Variants in SUPT3H observed in about 807,000 individuals in gnomAD.
The protein encoded by SUPT3H is SPT3 homolog, SAGA and STAGA complex component, also known as transcription initiation protein SPT3 homolog.
In SUPT3H, 44 loss-of-function variants were observed where a neutral mutation model predicts 44.3. The observed-to-expected ratio is 0.99, with a 90% CI of 0.78 to 1.28. The LOEUF (loss-of-function observed/expected upper bound fraction) is 1.28. SUPT3H is among the 50% of genes most tolerant of loss of function. The probability of loss-of-function intolerance (pLI) is 0.00; values close to 1 mark genes in which losing one functional copy is unlikely to be tolerated. For synonymous variants in SUPT3H, 124 were observed against 125.6 expected (o/e 0.99, Z 0.09); for missense variants, 380 against 387.1 (o/e 0.98, Z 0.15).
intron 2 of SUPT3H, among the ~76,000 whole-genome samples, chr6:45,143,704 A>G (rs1184541275): frequency 1.3e-5 from 2 of 152,130 alleles, no homozygotes; most frequent in Admixed American, 6.6e-5. Flanking sequence ...CAAAGATCAG[A>G]GCAGAACTAA....
chr6:45,077,262 T>C (rs1382958990), intron 3 of SUPT3H, among the ~76,000 whole-genome samples: 2 of 152,100 alleles, frequency 1.3e-5, no homozygotes, highest in Non-Finnish European at 1.5e-5. Context: ...ACAAACTATA[T>C]CCTCTCTATT....
At chr6:45,256,814 A>C (rs1361718801) in intron 2 of SUPT3H, among the ~76,000 whole-genome samples, 2 of 152,196 alleles carry the variant, frequency 1.3e-5, no homozygotes, top group African/African-American at 4.8e-5. Flanking sequence ...TGGATATACC[A>C]CATTTTGCTT....
At chr6:45,124,474 C>G (rs537249231) in intron 2 of SUPT3H, among the ~76,000 whole-genome samples, 1 of 151,188 alleles carries the variant, frequency 6.6e-6, no homozygotes, top group Non-Finnish European at 1.5e-5. Context: ...TGAAACCCCC[C>G]CCTCTACTAA....
chr6:44,928,882 C>CAAAATAAAAAA lies in SUPT3H; in HGVS notation c.912+3770_912+3771insTTTTTTATTTT, dbSNP rs1491206167. Among the ~76,000 whole-genome samples, 19 of 20,636 alleles carry CAAAATAAAAAA rather than the reference C, an allele frequency of 9.2e-4. 1 individual carries two copies. The highest frequency in any genetic ancestry group is 3.5e-3 in the African/African-American group (11 of 3,170). The allele number at this position is 20,636 out of a possible 152,430, so 13.5% of individuals were successfully genotyped here. A position where few individuals can be genotyped will look rare whatever the true frequency, so the allele number is the denominator to read the frequency against. ...TGGGCGACAGAACGAGACTCCGTCT[C>CAAAATAAAAAA]AAAAAAAAAAAAAAAAAAAAAAGAA... is the stretch of plus-strand genomic sequence containing the variant. On this transcript the variant is annotated intron_variant, in intron 10 of 10. Transcript: ENST00000371459.
intron 2 of SUPT3H, among the ~76,000 whole-genome samples, chr6:45,231,982 C>A (rs1207490895): frequency 6.6e-6 from 1 of 152,140 alleles, no homozygotes; most frequent in East Asian, 1.9e-4. Context: ...TCATAAATAT[C>A]CTGAATTCTC....
intron 2 of SUPT3H, among the ~76,000 whole-genome samples, chr6:45,174,964 G>T (rs1481207051): frequency 7.5e-6 from 1 of 133,438 alleles, no homozygotes; most frequent in Non-Finnish European, 1.5e-5. Context: ...GATCACTTGA[G>T]CCCAGGAGTT....
At chr6:44,917,945 A>G (rs879280582) in intron 10 of SUPT3H, among the ~76,000 whole-genome samples, 1 of 152,210 alleles carries the variant, frequency 6.6e-6, no homozygotes. Flanking sequence ...ATGCTCTATC[A>G]GCACAATATT....
At chr6:44,975,592 G>A (rs1398664557) in intron 6 of SUPT3H, among the ~76,000 whole-genome samples, 2 of 152,130 alleles carry the variant, frequency 1.3e-5, no homozygotes, top group Non-Finnish European at 2.9e-5. Context: ...AAGGGTGGGA[G>A]GGGGTGAGGG....
intron 3 of SUPT3H, among the ~76,000 whole-genome samples, chr6:45,100,587 C>T (rs1203655790): frequency 8.6e-6 from 1 of 115,742 alleles, no homozygotes; most frequent in Non-Finnish European, 1.8e-5. Flanking sequence ...GCCCACAGTA[C>T]ATGAAAAAAC....
At position 44,847,958 on chromosome 6, in the gene SUPT3H, C is replaced by CTTTTTTTT. The variant is rs969869912; in HGVS notation, c.913-18109_913-18102dup. Among the ~76,000 whole-genome samples, 8 of 58,390 alleles carry CTTTTTTTT rather than the reference C, an allele frequency of 1.4e-4. 1 individual carries two copies. The highest frequency in any genetic ancestry group is 2.1e-4 in the African/African-American group (3 of 14,616). The allele number at this position is 58,390 out of a possible 152,430, so 38.3% of individuals were successfully genotyped here. A position where few individuals can be genotyped will look rare whatever the true frequency, so the allele number is the denominator to read the frequency against. ...CTAGTGTTGACAGTTATCTCTGTGT[C>CTTTTTTTT]TTTTTTTTTTTTTTTTTTTTTTTTT... On this transcript the variant is annotated intron_variant, in intron 10 of 10. Coordinates refer to ENST00000371459, the MANE Select transcript of SUPT3H (RefSeq NM_003599.4).
intron 10 of SUPT3H, among the ~76,000 whole-genome samples, chr6:44,921,530 T>C (rs1178867324): frequency 1.3e-5 from 2 of 152,232 alleles, no homozygotes; most frequent in Non-Finnish European, 2.9e-5. Flanking sequence ...CTTTAGACAG[T>C]GGCTTCAGAG....
chr6:44,882,748 C>T (rs572270992), intron 10 of SUPT3H, among the ~76,000 whole-genome samples: 24 of 152,226 alleles, frequency 1.6e-4, no homozygotes, highest in Non-Finnish European at 2.6e-4. Flanking sequence ...AATCAATAAA[C>T]GTAATCCATC....
chr6:45,360,400 T>A (rs1264466397), intron 2 of SUPT3H, among the ~76,000 whole-genome samples: 1 of 152,202 alleles, frequency 6.6e-6, no homozygotes, highest in Non-Finnish European at 1.5e-5. Flanking sequence ...TTACAGTATG[T>A]TCGTACTTTT....
chr6:45,071,370 A>T (rs780776112), intron 3 of SUPT3H, among the ~76,000 whole-genome samples: 7 of 152,188 alleles, frequency 4.6e-5, no homozygotes, highest in Non-Finnish European at 1.0e-4. Flanking sequence ...AACCAAACCC[A>T]GTAAACTCTT....
chr6:44,821,861 A>G (rs1238086159), downstream of SUPT3H, among the ~76,000 whole-genome samples: 1 of 152,186 alleles, frequency 6.6e-6, no homozygotes, highest in Non-Finnish European at 1.5e-5. Flanking sequence ...GATAAAGTAC[A>G]GAAAGCAACG....
chr6:44,925,325 C>T (rs545922384), intron 10 of SUPT3H, among the ~76,000 whole-genome samples: 13 of 152,248 alleles, frequency 8.5e-5, no homozygotes, highest in African/African-American at 3.1e-4. Flanking sequence ...CCAGTAAGGA[C>T]TAGAGATTTG....
At chr6:44,821,515 G>T (rs1365952777) in intron 11 of SUPT3H, among the ~76,000 whole-genome samples, 1 of 152,096 alleles carries the variant, frequency 6.6e-6, no homozygotes, top group Non-Finnish European at 1.5e-5. Flanking sequence ...CTTTGGGAAT[G>T]CTGAATTTAC....
intron 3 of SUPT3H, among the ~76,000 whole-genome samples, chr6:45,088,327 T>A (rs1429740578): frequency 6.6e-6 from 1 of 152,058 alleles, no homozygotes; most frequent in Non-Finnish European, 1.5e-5. Context: ...AAATACTGCA[T>A]GCTATGAATC....
In SUPT3H at chr6:45,051,520, A is replaced by C. The variant is rs115196761; in HGVS notation, c.187-30888T>G. The stretch of plus-strand genomic sequence containing the variant: ...TATTAAATATATATTTATCAAATGT[A>C]TGTATGTATATATATTTATTAAATA... On this transcript the variant is annotated intron_variant, in intron 3 of 10. Transcript: ENST00000371459. Among the ~76,000 whole-genome samples, 1,147 of 150,948 alleles carry C rather than the reference A, an allele frequency of 7.6e-3. 21 individuals are homozygous for C. Among genetic ancestry groups the C allele is most frequent in the African/African-American group, 0.026 (1,086 of 41,290 alleles).
Sources: allele counts gnomAD v4.1 joint callset (sites outside exome capture counted in the v4.1 genomes callset), GRCh38; gene constraint gnomAD v4.1.1; transcripts MANE v1.5; gene names NCBI Gene and HGNC (gene_info 2026-07-23, HGNC 2026-07-21).